Variants in HSPA12A observed in about 807,000 individuals in gnomAD.
HSPA12A encodes the protein heat shock protein family A (Hsp70) member 12A, also known as heat shock 70 kDa protein 12A.
Under a neutral mutation model 69.2 loss-of-function variants are expected in HSPA12A, and 28 were observed. The ratio of observed to expected loss-of-function variants is 0.40; its 90% CI spans 0.30 to 0.55. The LOEUF is 0.55. HSPA12A is among the 20% of genes least tolerant of loss of function. The pLI, the probability that HSPA12A is intolerant of heterozygous loss-of-function variation, is 0.38. For missense variants in HSPA12A, 686 were observed against 900.7 expected (o/e 0.76, Z 3.05); for synonymous variants, 345 against 370.5 (o/e 0.93, Z 0.79).
chr10:116,716,443 T>A (rs1850606779), intron 1 of HSPA12A, among the ~76,000 whole-genome samples: 1 of 126,194 alleles, frequency 7.9e-6, no homozygotes, highest in African/African-American at 3.1e-5. Flanking sequence ...GGCAGGTGTG[T>A]GTTGGGGGGT....
intron 1 of HSPA12A, among the ~76,000 whole-genome samples, chr10:116,709,677 G>T (rs1210454333): frequency 6.6e-6 from 1 of 152,160 alleles, no homozygotes; most frequent in African/African-American, 2.4e-5. Flanking sequence ...GTAGATGAGA[G>T]GTGACCAGGG....
intron 2 of HSPA12A, among the ~76,000 whole-genome samples, chr10:116,794,685 C>T (rs1021327600): frequency 2.0e-5 from 3 of 152,144 alleles, no homozygotes; most frequent in Non-Finnish European, 4.4e-5. Context: ...TGGTGCCATG[C>T]ACCTGTAATC....
intron 3 of HSPA12A, among the ~76,000 whole-genome samples, chr10:116,704,078 G>A (rs1274780726): frequency 2.0e-5 from 3 of 152,196 alleles, no homozygotes; most frequent in Non-Finnish European, 4.4e-5. Flanking sequence ...TCTAGAACTA[G>A]AAATGCCATT....
chr10:116,779,918 G>T (rs1357278310), intron 2 of HSPA12A, among the ~76,000 whole-genome samples: 2 of 152,134 alleles, frequency 1.3e-5, no homozygotes, highest in African/African-American at 4.8e-5. Context: ...GGGGACTGCA[G>T]CCACCCTTCC....
At position 116,840,431 on chromosome 10, in the gene HSPA12A, C is replaced by T. The variant is rs930417813; in HGVS notation, c.4-5409G>A. Among the ~76,000 whole-genome samples the T allele has an allele frequency of 5.3e-5, 8 of 152,002 alleles. No individual in the cohort carries two copies. In the East Asian group the frequency reaches 1.4e-3, roughly 26 times the overall value. ...AAAATAAAAGTTATAGTCCTTTGTT[C>T]TTACCCCAAAAAAACATAGCCTTTG... On this transcript the variant is annotated intron_variant, in intron 1 of 12. Coordinates refer to the HSPA12A transcript ENST00000635765.
At chr10:116,684,303 C>T (rs1292172232) in intron 6 of HSPA12A, among the ~76,000 whole-genome samples, 4 of 152,158 alleles carry the variant, frequency 2.6e-5, no homozygotes, top group African/African-American at 9.7e-5. Context: ...CTGCAGGAGG[C>T]ACACGGGCTT....
intron 2 of HSPA12A, among the ~76,000 whole-genome samples, chr10:116,756,134 C>A (rs1843844623): frequency 6.6e-6 from 1 of 152,156 alleles, no homozygotes; most frequent in African/African-American, 2.4e-5. Context: ...ATGAGGGAGG[C>A]TTTGCCATTT....
chr10:116,814,647 C>G (rs1403213766), intron 2 of HSPA12A, among the ~76,000 whole-genome samples: 1 of 152,158 alleles, frequency 6.6e-6, no homozygotes. Context: ...AGTGGAAAGG[C>G]CAGACCAGGA....
intron 4 of HSPA12A, 23 bp from the exon 5 acceptor site, chr10:116,698,762 T>C (rs1189653200): frequency 2.6e-6 from 4 of 1,567,486 alleles, no homozygotes; most frequent in African/African-American, 1.4e-5. Context: ...AGAGGAACAA[T>C]AGTAAGAAGA....
intron 2 of HSPA12A, among the ~76,000 whole-genome samples, chr10:116,811,145 C>T (rs532400286): frequency 2.7e-4 from 41 of 152,120 alleles, no homozygotes; most frequent in Non-Finnish European, 4.6e-4. Context: ...GCCATGATAG[C>T]AATGGAAGAC....
chr10:116,701,231 G>T (rs1371840072), intron 3 of HSPA12A, 102 bp from the exon 4 acceptor site: 1 of 1,145,398 alleles, frequency 8.7e-7, no homozygotes, highest in Non-Finnish European at 1.3e-6. Flanking sequence ...TCAGTAATGT[G>T]GGTGCCCAGA....
At chr10:116,715,022 C>G (rs1335592065) in intron 1 of HSPA12A, among the ~76,000 whole-genome samples, 1 of 152,156 alleles carries the variant, frequency 6.6e-6, no homozygotes, top group Non-Finnish European at 1.5e-5. Flanking sequence ...AACTGGAAAA[C>G]CCAGATGGGG....
At position 116,849,313 on chromosome 10, in the gene HSPA12A, C is replaced by T. The variant is rs374745090; in HGVS notation, c.3+253G>A. Among the ~76,000 whole-genome samples, 3 of 152,150 alleles carry T rather than the reference C, an allele frequency of 2.0e-5. No homozygotes were observed. The East Asian group carries it at 5.8e-4, about 29-fold the overall frequency. ...AGGGAAAAGTGGTGAAAAACGAAGC[C>T]GGGAGGGCCCTAGTCTCGGGAGTCT... On this transcript the variant is annotated intron_variant, in intron 1 of 12. Coordinates refer to the HSPA12A transcript ENST00000635765.
chr10:116,676,333 G>A, intron 11 of HSPA12A, 66 bp downstream of exon 11: 21 of 1,327,098 alleles, frequency 1.6e-5, no homozygotes, highest in Non-Finnish European at 1.8e-5. Flanking sequence ...AGCTGGTGAT[G>A]CTGGGAAAGC....
rs782125706 is a variant in HSPA12A at position 116,675,676 on chromosome 10, T to C, written c.1391-258A>G. 1.3e-5 allele frequency among the ~76,000 whole-genome samples: 2 copies of C among 152,226 alleles called. No homozygotes were observed. The highest frequency in any genetic ancestry group is 2.9e-5 in the Non-Finnish European group (2 of 68,040). Reference sequence around the variant, plus strand: ...ATTTTAACAGATACATGGTGATAATTTTAAGTAGAATTTGGTTTGCATAAA... The same window carrying C: ...ATTTTAACAGATACATGGTGATAATCTTAAGTAGAATTTGGTTTGCATAAA... On this transcript the variant is annotated intron_variant, in intron 11 of 11. Transcript: ENST00000369209. This position sits in a 1 kb window ranked among gnomAD's most constrained non-coding sequence, Gnocchi z 5.2.
chr10:116,805,043 G>A (rs557400629), intron 2 of HSPA12A, among the ~76,000 whole-genome samples: 16 of 152,288 alleles, frequency 1.1e-4, no homozygotes, highest in Admixed American at 9.2e-4. Context: ...TTGGACGGGC[G>A]CGGTGGCTCA....
chr10:116,687,473 G>C (rs1849608674), intron 6 of HSPA12A, among the ~76,000 whole-genome samples: 2 of 152,166 alleles, frequency 1.3e-5, no homozygotes, highest in South Asian at 4.1e-4. Flanking sequence ...GCTGAGGAGA[G>C]GTGAGAAGAG....
intron 2 of HSPA12A, among the ~76,000 whole-genome samples, chr10:116,790,336 C>T (rs1281999382): frequency 6.6e-6 from 1 of 151,960 alleles, no homozygotes; most frequent in African/African-American, 2.4e-5. Context: ...ATCTCCTGAC[C>T]TCGTGATCCG....
intron 2 of HSPA12A, among the ~76,000 whole-genome samples, chr10:116,760,574 G>A (rs1169676171): frequency 1.3e-5 from 2 of 152,152 alleles, no homozygotes; most frequent in East Asian, 1.9e-4. Context: ...CACTGAACTC[G>A]GGGGTCCTAG....
Sources: gnomAD v4.1 joint callset for allele counts (sites outside exome capture counted in the v4.1 genomes callset) on GRCh38, gnomAD v4.1.1 for gene constraint, Gnocchi (gnomAD v3.1) non-coding constraint, MANE v1.5 for transcripts, NCBI Gene and HGNC (gene_info 2026-07-23, HGNC 2026-07-21) for gene names.